SLC5A10: variants seen among roughly 807,000 people sequenced by gnomAD.
SLC5A10 encodes the protein solute carrier family 5 member 10, also known as sodium/mannose cotransporter SLC5A10.
SLC5A10 carries 55 observed loss-of-function variants against 68.9 expected under a neutral mutation model. The observed-to-expected ratio is 0.80, with a 90% confidence interval of 0.64 to 1.00. The LOEUF (loss-of-function observed/expected upper bound fraction) is 1.00, where lower values mean the gene tolerates loss of function less well. SLC5A10 is among the 50% of genes least tolerant of loss of function. The pLI, the probability that SLC5A10 is intolerant of heterozygous loss-of-function variation, is 0.00. For missense variants in SLC5A10, 732 were observed against 819.3 expected, an observed-to-expected ratio of 0.89 and a Z score of 1.30; for synonymous variants, 344 against 344.8, an observed-to-expected ratio of 1.00 and a Z score of 0.02.
intron 5 of SLC5A10, among the ~76,000 whole-genome samples, chr17:18,964,815 G>A (rs949221219): frequency 3.3e-5 from 5 of 152,162 alleles, no homozygotes; most frequent in African/African-American, 9.7e-5. Flanking sequence ...GGCCTCTGCC[G>A]GGCGGGGGTG....
At chr17:18,961,000 C>A (rs561320912) in intron 5 of SLC5A10, among the ~76,000 whole-genome samples, 1 of 152,150 alleles carries the variant, frequency 6.6e-6, no homozygotes, top group African/African-American at 2.4e-5. Flanking sequence ...CACTAGGGGG[C>A]GCCAAAAGCC....
intron 2 of SLC5A10, 31 bp downstream of exon 2, chr17:18,958,784 C>T (rs770054604): frequency 3.1e-6 from 5 of 1,612,116 alleles, no homozygotes; most frequent in East Asian, 2.2e-5. Flanking sequence ...CACACACCCC[C>T]ACTTTGTCCG....
chr17:19,010,709 G>T (rs993824237), intron 9 of SLC5A10, among the ~76,000 whole-genome samples: 4 of 152,154 alleles, frequency 2.6e-5, no homozygotes, highest in Non-Finnish European at 5.9e-5. Flanking sequence ...TGGGTCCTCC[G>T]AGTGCCAGTC....
chr17:19,012,877 C>A (rs113065031), intron 9 of SLC5A10, among the ~76,000 whole-genome samples: 2,801 of 152,334 alleles, frequency 0.018, 59 homozygotes, highest in Middle Eastern at 0.051. Flanking sequence ...CTCGCCAGCC[C>A]CTGAGCTTTC....
At chr17:18,993,051 G>C (rs1034935307) in intron 9 of SLC5A10, among the ~76,000 whole-genome samples, 1 of 152,242 alleles carries the variant, frequency 6.6e-6, no homozygotes, top group Admixed American at 6.5e-5. Flanking sequence ...AGGTGCCTGG[G>C]GAGGAGGGGT....
intron 1 of SLC5A10, among the ~76,000 whole-genome samples, chr17:18,955,778 T>C (rs943432119): frequency 1.3e-5 from 2 of 152,232 alleles, no homozygotes; most frequent in African/African-American, 4.8e-5. Flanking sequence ...CATCAAAAGT[T>C]CTGAACTGGG....
intron 1 of SLC5A10, among the ~76,000 whole-genome samples, chr17:18,954,663 G>T (rs972616548): frequency 1.3e-5 from 2 of 152,238 alleles, no homozygotes; most frequent in Non-Finnish European, 2.9e-5. Flanking sequence ...GGGCCGGGGG[G>T]AGGCCTTTAA....
intron 14 of SLC5A10, 28 bp from the exon 15 acceptor site, chr17:19,020,297 G>A (rs761485237): frequency 2.5e-6 from 4 of 1,613,816 alleles, no homozygotes; most frequent in Admixed American, 1.7e-5. Flanking sequence ...TCCTTCATCT[G>A]TCCCTCTCCT....
At chr17:18,997,131 CA>C (rs2043589124) in intron 9 of SLC5A10, among the ~76,000 whole-genome samples, 1 of 152,262 alleles carries the variant, frequency 6.6e-6, no homozygotes, top group Non-Finnish European at 1.5e-5. Context: ...TTCTGAGCAC[CA>C]AATGGCTGCA....
chr17:18,955,554 C>A (rs998651103), intron 1 of SLC5A10, among the ~76,000 whole-genome samples: 3 of 152,230 alleles, frequency 2.0e-5, no homozygotes, highest in African/African-American at 7.2e-5. Context: ...ACTGGCAATG[C>A]CCACTATAGG....
intron 1 of SLC5A10, among the ~76,000 whole-genome samples, chr17:18,953,109 G>A (rs1028254563): frequency 2.0e-5 from 3 of 151,200 alleles, no homozygotes; most frequent in Middle Eastern, 3.4e-3. Flanking sequence ...CAGTCTCCTG[G>A]GGAGAATGAG....
At chr17:18,960,876 C>T (rs1221428738) in intron 5 of SLC5A10, among the ~76,000 whole-genome samples, 1 of 152,138 alleles carries the variant, frequency 6.6e-6, no homozygotes, top group Non-Finnish European at 1.5e-5. Flanking sequence ...TAGTCAGGGA[C>T]AGAACACAAC....
Position 19,003,311 on chromosome 17 carries a change from C to G in SLC5A10, c.983-10099C>G, listed in dbSNP as rs746937067. Reference sequence around the variant, plus strand: ...AGACGGGGCAGCCCACTGTCACCTGCTAGGACCTGGGAACCCTACCCTGCA... The same window carrying G: ...AGACGGGGCAGCCCACTGTCACCTGGTAGGACCTGGGAACCCTACCCTGCA... On this transcript the variant is annotated intron_variant, in intron 9 of 14. Coordinates refer to ENST00000395645, the MANE Select transcript of SLC5A10 (RefSeq NM_001042450.4). The surrounding 1 kb of genome is among the most constrained non-coding windows in gnomAD (Gnocchi z 4.5). Among the ~76,000 whole-genome samples, 3 of 151,968 alleles carry G rather than the reference C, an allele frequency of 2.0e-5. No homozygotes were observed. The highest frequency in any genetic ancestry group is 4.4e-5 in the Non-Finnish European group (3 of 67,922).
In SLC5A10 at chr17:19,017,519, C is replaced by T; in HGVS notation, c.1242-1904C>T. ...GCCGGGTGCAGTACCATGCCGGTGA[C>T]CCTGATGGCTCTGTCCAGCTGAGCA... On this transcript the variant is annotated intron_variant, in intron 11 of 14. Transcript: ENST00000395645. This position sits in a 1 kb window ranked among gnomAD's most constrained non-coding sequence, Gnocchi z 5.6. 1.2e-6 allele frequency: 1 copy of T among 869,286 alleles called. No homozygotes were observed. Among genetic ancestry groups the T allele is most frequent in the Non-Finnish European group, 1.8e-6 (1 of 553,402 alleles). The allele number at this position is 869,286 out of a possible 1,614,324, so 53.8% of individuals were successfully genotyped here. A position where few individuals can be genotyped will look rare whatever the true frequency, so the allele number is the denominator to read the frequency against.
intron 1 of SLC5A10, among the ~76,000 whole-genome samples, chr17:18,955,923 G>A (rs187633056): frequency 3.6e-4 from 55 of 152,178 alleles, no homozygotes; most frequent in Middle Eastern, 6.8e-3. Flanking sequence ...GGCCGGGCGC[G>A]GTGGCTCATG....
Position 19,017,250 on chromosome 17 carries a change from G to A in SLC5A10, c.1241+2051G>A. 1 of 1,541,044 alleles carries A rather than the reference G, an allele frequency of 6.5e-7. No homozygotes were observed. The highest frequency in any genetic ancestry group is 8.8e-7 in the Non-Finnish European group (1 of 1,137,216). The stretch of plus-strand genomic sequence containing the variant: ...AGAAAGGGCCCCGTGCCAGGTGTCA[G>A]GCTGGCCAGCTCAACTTCCCGTCCC... On this transcript the variant is annotated intron_variant, in intron 11 of 14. Transcript: ENST00000395645. The surrounding 1 kb of genome is among the most constrained non-coding windows in gnomAD (Gnocchi z 5.6).
At chr17:18,964,794 C>T (rs2042677786) in intron 5 of SLC5A10, among the ~76,000 whole-genome samples, 1 of 152,154 alleles carries the variant, frequency 6.6e-6, no homozygotes, top group Admixed American at 6.5e-5. Context: ...CCACGCAGAG[C>T]CTCTGGGCAG....
At chr17:19,002,648 C>T (rs928186537) in intron 9 of SLC5A10, among the ~76,000 whole-genome samples, 4 of 152,334 alleles carry the variant, frequency 2.6e-5, no homozygotes, top group Non-Finnish European at 5.9e-5. Context: ...TGCTTGGAAA[C>T]GATGAGAAGG....
In SLC5A10 at chr17:19,017,395, G is replaced by C. The variant is rs1046465453; in HGVS notation, c.1242-2028G>C. On this transcript the variant is annotated intron_variant, in intron 11 of 14. Transcript: ENST00000395645. This position sits in a 1 kb window ranked among gnomAD's most constrained non-coding sequence, Gnocchi z 5.6. ...TAGGCCTCGTGGTCATGGATCTCTG[G>C]TAGGGTGAATGGCCTGACAACAGTC... 6 of 1,551,230 alleles carry C rather than the reference G, an allele frequency of 3.9e-6. No individual in the cohort carries two copies. In the Admixed American group the frequency reaches 7.8e-5, roughly 20 times the overall value.
Sources: allele counts gnomAD v4.1 joint callset (sites outside exome capture counted in the v4.1 genomes callset), GRCh38; gene constraint gnomAD v4.1.1; non-coding constraint Gnocchi (gnomAD v3.1); transcripts MANE v1.5; gene names NCBI Gene and HGNC (gene_info 2026-07-23, HGNC 2026-07-21).